Variants in NRG3 observed in about 807,000 individuals in gnomAD.
NRG3 encodes the protein neuregulin 3.
NRG3 carries 31 observed loss-of-function variants against 66.9 expected under a neutral mutation model. That is an observed-to-expected ratio of 0.46 (90% CI 0.35 to 0.63). NRG3 has a LOEUF of 0.63. NRG3 is among the 20% of genes least tolerant of loss of function. The probability of loss-of-function intolerance (pLI) is 0.00; values close to 1 mark genes in which losing one functional copy is unlikely to be tolerated. For missense variants in NRG3, 910 were observed against 878.9 expected (o/e 1.04, Z -0.45); for synonymous variants, 393 against 359.4 (o/e 1.09, Z -1.06).
intron 4 of NRG3, among the ~76,000 whole-genome samples, chr10:82,884,869 A>G (rs980724684): frequency 1.3e-5 from 2 of 152,346 alleles, no homozygotes; most frequent in Non-Finnish European, 2.9e-5. Context: ...TGTGTATATT[A>G]AAGTTCTTTT....
chr10:81,877,773 C>G, intron 1 of NRG3: 1 of 1,363,492 alleles, frequency 7.3e-7, no homozygotes, highest in South Asian at 1.8e-5. Context: ...TTGGCTGAAG[C>G]AGTCATTTTT....
At chr10:82,978,817 A>T (rs536168823) in intron 7 of NRG3, 133 bp from the exon 8 acceptor site, 1 of 818,908 alleles carries the variant, frequency 1.2e-6, no homozygotes, top group South Asian at 1.8e-5. Flanking sequence ...TCATTCAGGG[A>T]TGGCCCTGGC....
intron 3 of NRG3, among the ~76,000 whole-genome samples, chr10:82,761,608 G>C (rs1327978736): frequency 1.3e-5 from 2 of 151,618 alleles, no homozygotes; most frequent in Admixed American, 6.6e-5. Context: ...ACATAAACCA[G>C]AAGTCAGAAA....
At chr10:82,500,251 G>T (rs1185929090) in intron 2 of NRG3, among the ~76,000 whole-genome samples, 1 of 152,070 alleles carries the variant, frequency 6.6e-6, no homozygotes, top group Non-Finnish European at 1.5e-5. Flanking sequence ...TTTCTTCCTA[G>T]GGAACATTTA....
At chr10:82,525,969 C>T (rs975869428) in intron 2 of NRG3, among the ~76,000 whole-genome samples, 1 of 151,718 alleles carries the variant, frequency 6.6e-6, no homozygotes, top group Non-Finnish European at 1.5e-5. Flanking sequence ...ACTAAAGAGA[C>T]AGCCAGGAAG....
At chr10:82,120,420 T>A (rs2068010543) in intron 1 of NRG3, among the ~76,000 whole-genome samples, 1 of 152,114 alleles carries the variant, frequency 6.6e-6, no homozygotes, top group Non-Finnish European at 1.5e-5. Flanking sequence ...AGAAATACAT[T>A]TGTTTCTTTA....
At chr10:82,388,245 A>G (rs184171439) in intron 2 of NRG3, among the ~76,000 whole-genome samples, 3 of 152,324 alleles carry the variant, frequency 2.0e-5, no homozygotes, top group Non-Finnish European at 4.4e-5. Flanking sequence ...AGGGAATAAG[A>G]AAGTTTTTTT....
intron 1 of NRG3, among the ~76,000 whole-genome samples, chr10:82,317,516 T>C (rs1215358730): frequency 2.6e-5 from 4 of 152,218 alleles, no homozygotes; most frequent in African/African-American, 9.6e-5. Flanking sequence ...CCTTCTATCC[T>C]TTCAGTCTGT....
At chr10:82,491,588 T>C (rs966027463) in intron 2 of NRG3, among the ~76,000 whole-genome samples, 2 of 152,096 alleles carry the variant, frequency 1.3e-5, no homozygotes, top group Non-Finnish European at 2.9e-5. Context: ...TAATCTGAAG[T>C]ATCTGAGGGT....
chr10:82,676,401 G>A (rs1209658698), intron 2 of NRG3, among the ~76,000 whole-genome samples: 5 of 152,048 alleles, frequency 3.3e-5, no homozygotes, highest in East Asian at 1.9e-4. Flanking sequence ...TCAGGGGACC[G>A]CCCCCAGCCA....
chr10:81,930,109 T>C (rs1315447843), intron 1 of NRG3, among the ~76,000 whole-genome samples: 2 of 152,170 alleles, frequency 1.3e-5, no homozygotes, highest in African/African-American at 4.8e-5. Context: ...TTTTATCTGC[T>C]GTAGACAGGA....
At chr10:82,684,101 G>A (rs866349258) in intron 2 of NRG3, among the ~76,000 whole-genome samples, 3 of 151,116 alleles carry the variant, frequency 2.0e-5, no homozygotes, top group Non-Finnish European at 2.9e-5. Context: ...TTAGCTCCCC[G>A]TAGACAGGTA....
intron 8 of NRG3, among the ~76,000 whole-genome samples, chr10:82,981,244 G>A (rs1209393858): frequency 6.6e-6 from 1 of 152,144 alleles, no homozygotes; most frequent in Non-Finnish European, 1.5e-5. Context: ...CTGCGTGGTG[G>A]TGGTTTTGTT....
chr10:82,532,677 A>G (rs540162134), intron 2 of NRG3, among the ~76,000 whole-genome samples: 1 of 150,464 alleles, frequency 6.6e-6, no homozygotes, highest in South Asian at 2.1e-4. Context: ...TTTTTAATCT[A>G]TGAAAATTTA....
intron 1 of NRG3, among the ~76,000 whole-genome samples, chr10:81,974,293 C>G (rs1175226065): frequency 6.6e-6 from 1 of 151,798 alleles, no homozygotes; most frequent in Non-Finnish European, 1.5e-5. Context: ...CAGTACCATG[C>G]TGAAGAAACA....
chr10:81,899,817 G>A (rs1309144649), intron 1 of NRG3, among the ~76,000 whole-genome samples: 1 of 152,130 alleles, frequency 6.6e-6, no homozygotes, highest in Non-Finnish European at 1.5e-5. Flanking sequence ...TCTGATAGTT[G>A]AATGTTTGTC....
At chr10:82,093,683 T>C (rs2066163612) in intron 1 of NRG3, among the ~76,000 whole-genome samples, 1 of 152,204 alleles carries the variant, frequency 6.6e-6, no homozygotes, top group African/African-American at 2.4e-5. Flanking sequence ...TCTAATCATG[T>C]AGGCCACCTC....
At chr10:82,424,922 C>T (rs1452595694) in intron 2 of NRG3, among the ~76,000 whole-genome samples, 1 of 151,902 alleles carries the variant, frequency 6.6e-6, no homozygotes, top group Non-Finnish European at 1.5e-5. Flanking sequence ...TGTCTTAGCA[C>T]CCATATAGAA....
intron 2 of NRG3, among the ~76,000 whole-genome samples, chr10:82,611,620 A>G (rs1057403260): frequency 2.0e-5 from 3 of 152,220 alleles, no homozygotes; most frequent in African/African-American, 7.2e-5. Context: ...ATGGCTGCGT[A>G]GTATTCCATG....
Sources: allele counts gnomAD v4.1 joint callset (sites outside exome capture counted in the v4.1 genomes callset), GRCh38; gene constraint gnomAD v4.1.1; transcripts MANE v1.5; gene names NCBI Gene and HGNC (gene_info 2026-07-23, HGNC 2026-07-21).